DLGAP1: variants seen among roughly 807,000 people sequenced by gnomAD.
DLGAP1 encodes the protein DLG associated protein 1.
A neutral mutation model predicts 90.8 loss-of-function variants in DLGAP1; 11 were observed. The ratio of observed to expected loss-of-function variants is 0.12; its 90% confidence interval spans 0.08 to 0.20. The LOEUF is 0.20. Ranked by LOEUF, DLGAP1 falls within the 10% of genes least tolerant of loss-of-function variation. The pLI is 1.00. For synonymous variants in DLGAP1, 558 were observed against 540.7 expected, an observed-to-expected ratio of 1.03 and a Z score of -0.44; for missense variants, 1,050 against 1,333.8, an observed-to-expected ratio of 0.79 and a Z score of 3.31.
intron 2 of DLGAP1, among the ~76,000 whole-genome samples, chr18:4,042,991 T>A (rs1197284232): frequency 5.3e-5 from 8 of 152,234 alleles, no homozygotes; most frequent in African/African-American, 1.9e-4. Flanking sequence ...TGAATTTACT[T>A]GAAACAAAAT....
At chr18:4,272,451 G>A (rs1346648116) in intron 1 of DLGAP1, among the ~76,000 whole-genome samples, 1 of 152,180 alleles carries the variant, frequency 6.6e-6, no homozygotes, top group Non-Finnish European at 1.5e-5. Flanking sequence ...AAAACTCCCT[G>A]TCAACCATGC....
intron 6 of DLGAP1, among the ~76,000 whole-genome samples, chr18:3,737,458 G>A (rs1397163024): frequency 2.2e-5 from 3 of 138,424 alleles, no homozygotes; most frequent in African/African-American, 8.2e-5. Context: ...GGGATGCAAG[G>A]CTGGTTCAAT....
intron 3 of DLGAP1, among the ~76,000 whole-genome samples, chr18:3,939,510 A>C (rs1257425913): frequency 1.3e-5 from 2 of 152,056 alleles, no homozygotes; most frequent in African/African-American, 4.8e-5. Flanking sequence ...ACAAACAAAA[A>C]AACAAGTGGC....
At chr18:3,946,816 T>C (rs2072886796) in intron 3 of DLGAP1, among the ~76,000 whole-genome samples, 2 of 152,314 alleles carry the variant, frequency 1.3e-5, no homozygotes, top group South Asian at 4.1e-4. Flanking sequence ...ACTGCTAAAA[T>C]TCACCTTGAA....
intron 1 of DLGAP1, among the ~76,000 whole-genome samples, chr18:4,206,964 AG>A (rs1480543173): frequency 6.6e-6 from 1 of 152,214 alleles, no homozygotes; most frequent in Non-Finnish European, 1.5e-5. Context: ...GTAAAGACCA[AG>A]ACATTGAAGT....
Position 3,644,404 on chromosome 18 carries a change from T to A in DLGAP1, c.1592-62156A>T, listed in dbSNP as rs184705186. Reference sequence around the variant, plus strand: ...ATATGTTTACAATACTATTTTATTTTATTTATTTATTTATTTATTTATTGA... The same window carrying A: ...ATATGTTTACAATACTATTTTATTTAATTTATTTATTTATTTATTTATTGA... On this transcript the variant is annotated intron_variant, in intron 7 of 12. Coordinates refer to ENST00000315677, the MANE Select transcript of DLGAP1 (RefSeq NM_004746.4). 1.3e-4 allele frequency among the ~76,000 whole-genome samples: 19 copies of A among 151,372 alleles called. No individual in the cohort carries two copies. In the South Asian group the frequency reaches 2.9e-3, roughly 23 times the overall value.
chr18:3,801,353 G>A lies in DLGAP1; in HGVS notation c.1172+12706C>T, dbSNP rs138595057. Among the ~76,000 whole-genome samples the A allele has an allele frequency of 6.6e-4, 101 of 152,170 alleles. 1 individual carries two copies. The highest frequency in any genetic ancestry group is 1.7e-3 in the African/African-American group (69 of 41,504). On this transcript the variant is annotated intron_variant, in intron 5 of 12. Coordinates refer to ENST00000315677, the MANE Select transcript of DLGAP1 (RefSeq NM_004746.4). ...GTAACTTCGTATATCAGCCCTTTCC[G>A]GTACCATCCTAATCTCTGCTTCTAC...
At chr18:3,734,417 C>T (rs968593449) in intron 6 of DLGAP1, among the ~76,000 whole-genome samples, 2 of 151,966 alleles carry the variant, frequency 1.3e-5, no homozygotes, top group Non-Finnish European at 2.9e-5. Context: ...TGCACTCAGC[C>T]CCATTTCTTT....
intron 2 of DLGAP1, among the ~76,000 whole-genome samples, chr18:4,061,291 C>T (rs1192207222): frequency 1.3e-5 from 2 of 151,804 alleles, no homozygotes; most frequent in Non-Finnish European, 2.9e-5. Context: ...AATTTTTTTG[C>T]CTAGTTTAGA....
chr18:4,050,145 G>A (rs2075113039), intron 2 of DLGAP1, among the ~76,000 whole-genome samples: 2 of 152,048 alleles, frequency 1.3e-5, no homozygotes, highest in Non-Finnish European at 2.9e-5. Flanking sequence ...GGCCTAAGTG[G>A]GTGGGTGCAA....
At chr18:4,287,047 A>G (rs928260523) in intron 1 of DLGAP1, among the ~76,000 whole-genome samples, 9 of 152,166 alleles carry the variant, frequency 5.9e-5, no homozygotes, top group Non-Finnish European at 1.3e-4. Flanking sequence ...AAAGCATGTC[A>G]TGGGTGGCTC....
intron 1 of DLGAP1, among the ~76,000 whole-genome samples, chr18:4,346,177 T>C (rs1179445344): frequency 6.6e-6 from 1 of 152,188 alleles, no homozygotes; most frequent in Non-Finnish European, 1.5e-5. Context: ...TAACTTACAG[T>C]TCAGAGCCAG....
Position 3,534,477 on chromosome 18 carries a change from G to T in DLGAP1, c.2196C>A (p.Arg732=). 1.2e-6 allele frequency: 2 copies of T among 1,614,200 alleles called. No homozygotes were observed. The highest frequency in any genetic ancestry group is 1.7e-6 in the Non-Finnish European group (2 of 1,180,030). ...TGCTGACTGTGGAGGTGCTGGCATC[G>T]CGGGAGAACTGTCTGGCCATGGGGC... is the stretch of plus-strand genomic sequence containing the variant. ...CPGPMARQFS[R]DASTSTVSIQ... The change falls in exon 10 of 13, where the codon CGC becomes CGA. Residue 732 remains arginine (R), a synonymous_variant. Coordinates refer to ENST00000315677, the MANE Select transcript of DLGAP1 (RefSeq NM_004746.4).
intron 3 of DLGAP1, among the ~76,000 whole-genome samples, chr18:3,923,167 G>A (rs1487376284): frequency 7.5e-6 from 1 of 132,474 alleles, no homozygotes; most frequent in Non-Finnish European, 1.6e-5. Context: ...CACTAATTTT[G>A]CTCCCACTAA....
intron 3 of DLGAP1, among the ~76,000 whole-genome samples, chr18:3,959,283 G>A (rs1473012059): frequency 6.6e-6 from 1 of 152,000 alleles, no homozygotes; most frequent in Admixed American, 6.6e-5. Flanking sequence ...AGGTCCTTTT[G>A]TTTACCTGAA....
intron 7 of DLGAP1, among the ~76,000 whole-genome samples, chr18:3,723,681 G>T (rs1025758678): frequency 6.6e-6 from 1 of 152,086 alleles, no homozygotes; most frequent in Non-Finnish European, 1.5e-5. Flanking sequence ...ACCCTTAGGA[G>T]AACTTTCTGA....
intron 6 of DLGAP1, among the ~76,000 whole-genome samples, chr18:3,740,973 A>ACCTCACCACCACCACCAC (rs2062891043): frequency 1.8e-5 from 2 of 108,966 alleles, no homozygotes; most frequent in South Asian, 3.0e-4. Flanking sequence ...CACCACCATC[A>ACCTCACCACCACCACCAC]CATCACCACC....
intron 2 of DLGAP1, among the ~76,000 whole-genome samples, chr18:4,058,702 G>C (rs577354677): frequency 1.3e-5 from 2 of 152,114 alleles, no homozygotes; most frequent in African/African-American, 4.8e-5. Flanking sequence ...TATTCCTCTT[G>C]TTTTCTCCCA....
intron 7 of DLGAP1, among the ~76,000 whole-genome samples, chr18:3,592,874 GAAAGAAAGAA>G (rs1218998320): frequency 0.023 from 1,118 of 49,584 alleles, 17 homozygotes; most frequent in African/African-American, 0.07. Context: ...AAAAGAAAAA[GAAAGAAAGAA>G]AAAGAAAAAG....
Sources: gnomAD v4.1 joint callset for allele counts (sites outside exome capture counted in the v4.1 genomes callset) on GRCh38, gnomAD v4.1.1 for gene constraint, MANE v1.5 for transcripts, NCBI Gene and HGNC (gene_info 2026-07-23, HGNC 2026-07-21) for gene names.